SCAPER: variants seen among roughly 807,000 people sequenced by gnomAD.
SCAPER encodes S phase cyclin A-associated protein in the endoplasmic reticulum.
Under a neutral mutation model 182.2 loss-of-function variants are expected in SCAPER, and 98 were observed. The observed-to-expected ratio is 0.54, with a 90% CI of 0.46 to 0.64. The LOEUF (loss-of-function observed/expected upper bound fraction) is 0.64, where lower values mean the gene tolerates loss of function less well. SCAPER is among the 30% of genes least tolerant of loss of function. The pLI is 0.00. For missense variants in SCAPER, 1,432 were observed against 1,690.0 expected, an observed-to-expected ratio of 0.85 and a Z score of 2.68; for synonymous variants, 605 against 564.6, an observed-to-expected ratio of 1.07 and a Z score of -1.01.
chr15:76,665,903 C>T (rs948524515), intron 20 of SCAPER, 114 bp from the exon 21 acceptor site: 10 of 865,182 alleles, frequency 1.2e-5, no homozygotes, highest in East Asian at 1.1e-4. Context: ...AAGTAATCTC[C>T]GTAATACACT....
intron 20 of SCAPER, among the ~76,000 whole-genome samples, chr15:76,679,456 G>A (rs1246397689): frequency 6.6e-6 from 1 of 152,118 alleles, no homozygotes; most frequent in African/African-American, 2.4e-5. Context: ...CATCATTTGT[G>A]ACTACATCAC....
At chr15:76,694,423 G>C (rs2058543567) in intron 20 of SCAPER, among the ~76,000 whole-genome samples, 1 of 151,902 alleles carries the variant, frequency 6.6e-6, no homozygotes, top group Admixed American at 6.6e-5. Flanking sequence ...ATAACTAATT[G>C]TGGTAATCAC....
In SCAPER at chr15:76,771,801, TTTC is replaced by T. The variant is rs747367720; in HGVS notation, c.1186_1188del (p.Glu396del). 2.5e-6 allele frequency: 4 copies of T among 1,613,222 alleles called. No individual in the cohort carries two copies. The East Asian group carries it at 8.9e-5, about 36-fold the overall frequency. ...ATCCTTGCTTTCTCTGCTGGAAATT[TTTC>T]TTCATTTACTTGTAAAGGAGGTGTA... On this transcript the variant is annotated inframe_deletion, in exon 10 of 32. Coordinates refer to ENST00000563290, the MANE Select transcript of SCAPER (RefSeq NM_020843.4).
chr15:76,541,229 A>C (rs1016767016), intron 23 of SCAPER, among the ~76,000 whole-genome samples: 1 of 143,190 alleles, frequency 7.0e-6, no homozygotes, highest in Non-Finnish European at 1.5e-5. Context: ...ATTAAAAAAT[A>C]TATATCTAAA....
chr15:76,858,003 A>C, intron 3 of SCAPER, 124 bp from the exon 4 acceptor site: 1 of 667,210 alleles, frequency 1.5e-6, no homozygotes, highest in Admixed American at 2.6e-5. Context: ...ACTAACATTT[A>C]ATCTCCTTCC....
intron 5 of SCAPER, among the ~76,000 whole-genome samples, chr15:76,816,356 A>C (rs1412327729): frequency 6.6e-6 from 1 of 152,120 alleles, no homozygotes; most frequent in Non-Finnish European, 1.5e-5. Flanking sequence ...TTTCCTATCT[A>C]ACATTTTTTT....
intron 20 of SCAPER, among the ~76,000 whole-genome samples, chr15:76,677,937 G>A (rs1477647885): frequency 6.6e-6 from 1 of 151,824 alleles, no homozygotes. Context: ...GAATAGGCAG[G>A]AAATATAAAT....
rs749811473 is a variant in SCAPER at position 76,621,829 on chromosome 15, C to T, written c.2646G>A (p.Arg882=). 1.9e-6 allele frequency: 3 copies of T among 1,598,852 alleles called. No homozygotes were observed. Among genetic ancestry groups the T allele is most frequent in the Admixed American group, 3.5e-5 (2 of 57,766 alleles). ...CCATTAAACTCTCATATTCCTTAGC[C>T]CTGAAGAGAAAAAAAGTTTTAACAC... ...AKKIKARMNF[R]AKEYESLMET... The change falls in exon 22 of 32, where the codon AGG becomes AGA. Residue 882 remains arginine (R), a splice_region_variant and synonymous_variant. Transcript: ENST00000563290.
rs116486416 is a variant in SCAPER, at chr15:76,895,190, G to A, written c.-60+10109C>T. On this transcript the variant is annotated intron_variant, in intron 1 of 31. Transcript: ENST00000563290. ...TGAAAGCATCATACACTATGATCAG[G>A]TAGGAATTATTTGTGGGTTGCAAGA... Among the ~76,000 whole-genome samples, 907 of 152,238 alleles carry A rather than the reference G, an allele frequency of 6.0e-3. 4 individuals carry two copies. The highest frequency in any genetic ancestry group is 0.021 in the African/African-American group (874 of 41,552).
chr15:76,487,492 CAA>C (rs1051511123), intron 24 of SCAPER, among the ~76,000 whole-genome samples: 6 of 152,126 alleles, frequency 3.9e-5, no homozygotes, highest in Non-Finnish European at 8.8e-5. Context: ...CTAGAAAAGG[CAA>C]AGAGTGAACC....
chr15:76,875,998 C>T (rs181959517), intron 2 of SCAPER, among the ~76,000 whole-genome samples: 7 of 152,186 alleles, frequency 4.6e-5, no homozygotes, highest in East Asian at 1.9e-4. Context: ...AAAGGCCCAG[C>T]GAGAAATCGA....
At position 76,495,991 on chromosome 15, in the gene SCAPER, GAGACACACAC is replaced by G. The variant is rs1485121565; in HGVS notation, c.2954+8858_2954+8867del. On this transcript the variant is annotated intron_variant, in intron 24 of 31. Coordinates refer to ENST00000563290, the MANE Select transcript of SCAPER (RefSeq NM_020843.4). ...AGAAAGAGAAAGAAAGCAAAAGAGA[GAGACACACAC>G]ACACACACACACACACACACACACA... 5.4e-3 allele frequency among the ~76,000 whole-genome samples: 549 copies of G among 100,922 alleles called. 9 individuals are homozygous for G. The highest frequency in any genetic ancestry group is 0.014 in the Admixed American group (149 of 10,870). The allele number at this position is 100,922 out of a possible 152,430, so 66.2% of individuals were successfully genotyped here.
At chr15:76,556,769 A>T (rs1238723116) in intron 23 of SCAPER, among the ~76,000 whole-genome samples, 2 of 152,152 alleles carry the variant, frequency 1.3e-5, no homozygotes, top group Admixed American at 1.3e-4. Context: ...GCAATCAGGC[A>T]TGAGAAAAAA....
chr15:76,893,329 A>C (rs1005706555), intron 1 of SCAPER, among the ~76,000 whole-genome samples: 6 of 152,066 alleles, frequency 3.9e-5, no homozygotes, highest in Non-Finnish European at 8.8e-5. Context: ...GTATAATAAT[A>C]AAAAAAAGTC....
intron 1 of SCAPER, among the ~76,000 whole-genome samples, chr15:76,884,210 T>C (rs2073726610): frequency 6.6e-6 from 1 of 152,254 alleles, no homozygotes; most frequent in Non-Finnish European, 1.5e-5. Flanking sequence ...TTTAACTGAA[T>C]TAAAAATTTT....
At chr15:76,752,485 T>C (rs1375890265) in intron 15 of SCAPER, among the ~76,000 whole-genome samples, 1 of 151,744 alleles carries the variant, frequency 6.6e-6, no homozygotes, top group Admixed American at 6.6e-5. Flanking sequence ...AACTCAAATG[T>C]CCATTGAGGT....
intron 24 of SCAPER, among the ~76,000 whole-genome samples, chr15:76,480,039 A>G (rs2050979186): frequency 6.6e-6 from 1 of 152,232 alleles, no homozygotes. Context: ...TGATACGGAT[A>G]AATGTAAAAG....
At chr15:76,373,036 T>TTTTC (rs201780307) in intron 29 of SCAPER, among the ~76,000 whole-genome samples, 1,433 of 42,192 alleles carry the variant, frequency 0.034, 18 homozygotes, top group African/African-American at 0.05. Flanking sequence ...TTTCTTTCCT[T>TTTTC]TTTCTTTCTT....
intron 5 of SCAPER, among the ~76,000 whole-genome samples, chr15:76,825,266 A>T (rs1431757292): frequency 6.6e-6 from 1 of 151,694 alleles, no homozygotes; most frequent in African/African-American, 2.4e-5. Flanking sequence ...TTTTTTTTTT[A>T]AATCACACAA....
Sources: gnomAD v4.1 joint callset for allele counts (sites outside exome capture counted in the v4.1 genomes callset) on GRCh38, gnomAD v4.1.1 for gene constraint, MANE v1.5 for transcripts, NCBI Gene and HGNC (gene_info 2026-07-23, HGNC 2026-07-21) for gene names.